Variants in TRIM63 observed in about 807,000 individuals in gnomAD.
TRIM63 encodes the protein tripartite motif containing 63.
In TRIM63, 48 loss-of-function variants were observed where a neutral mutation model predicts 46.0. That is an observed-to-expected ratio of 1.04 (90% CI 0.83 to 1.33). The LOEUF (loss-of-function observed/expected upper bound fraction) is 1.33, where lower values mean the gene tolerates loss of function less well. TRIM63 is among the 40% of genes most tolerant of loss of function. The pLI, the probability that TRIM63 is intolerant of heterozygous loss-of-function variation, is 0.00. For missense variants in TRIM63, 455 were observed against 441.2 expected (o/e 1.03, Z -0.28); for synonymous variants, 175 against 162.8 (o/e 1.08, Z -0.57).
At chr1:26,063,589 C>T (rs1216784508) in intron 2 of TRIM63, among the ~76,000 whole-genome samples, 4 of 152,184 alleles carry the variant, frequency 2.6e-5, no homozygotes, top group East Asian at 1.9e-4. Context: ...CTGGTTCATG[C>T]GCCCGCAGCC....
At chr1:26,065,891 G>A (rs914019973) in intron 2 of TRIM63, among the ~76,000 whole-genome samples, 4 of 152,202 alleles carry the variant, frequency 2.6e-5, no homozygotes, top group African/African-American at 9.7e-5. Context: ...GTTCCTCATG[G>A]CACACGGGAG....
chr1:26,063,488 T>C (rs898297478), intron 2 of TRIM63, among the ~76,000 whole-genome samples: 1 of 152,182 alleles, frequency 6.6e-6, no homozygotes, highest in Non-Finnish European at 1.5e-5. Context: ...CCAGGGTCCC[T>C]ATGCTGGCAG....
At chr1:26,062,334 A>C (rs1456370796) in intron 2 of TRIM63, among the ~76,000 whole-genome samples, 1 of 152,242 alleles carries the variant, frequency 6.6e-6, no homozygotes, top group Non-Finnish European at 1.5e-5. Context: ...GGAATCAATA[A>C]TATTCACCAT....
At chr1:26,067,069 T>C (rs2050685224) in intron 1 of TRIM63, among the ~76,000 whole-genome samples, 1 of 152,028 alleles carries the variant, frequency 6.6e-6, no homozygotes, top group South Asian at 2.1e-4. Flanking sequence ...ATTTGACTCT[T>C]GATTGGAGAG....
At chr1:26,055,997 C>A (rs951091931) in intron 7 of TRIM63, among the ~76,000 whole-genome samples, 1 of 152,164 alleles carries the variant, frequency 6.6e-6, no homozygotes, top group African/African-American at 2.4e-5. Context: ...AGGAGAGCGA[C>A]ACAGGAGGTG....
At chr1:26,051,975 G>GT in intron 8 of TRIM63, 92 bp from the exon 9 acceptor site, 8 of 1,134,062 alleles carry the variant, frequency 7.1e-6, no homozygotes, top group Non-Finnish European at 9.2e-6. Flanking sequence ...TCAAACAGGA[G>GT]TTTGAATAAA....
In TRIM63 at chr1:26,067,627, T is replaced by C; in HGVS notation, c.-133A>G. The C allele has an allele frequency of 1.0e-6, 1 of 1,001,234 alleles. No homozygotes were observed. Among genetic ancestry groups the C allele is most frequent in the Non-Finnish European group, 1.4e-6 (1 of 693,696 alleles). 62.0% of individuals were successfully genotyped at this position (1,001,234 alleles called of 1,614,324 possible). On this transcript the variant is annotated 5_prime_UTR_variant, in exon 1 of 9. Transcript: ENST00000374272. ...TGGCTTCCTTCTCCTGGTGCCCGAATTCTGTCTTGGTCTGAGGCCCCTCTG... is the reference window on the plus strand; with the variant it reads ...TGGCTTCCTTCTCCTGGTGCCCGAACTCTGTCTTGGTCTGAGGCCCCTCTG...
chr1:26,054,275 C>A (rs1463729472), intron 7 of TRIM63, among the ~76,000 whole-genome samples: 1 of 152,252 alleles, frequency 6.6e-6, no homozygotes, highest in African/African-American at 2.4e-5. Flanking sequence ...GAAGCGCACT[C>A]TGTGCTTCTG....
In TRIM63 at chr1:26,057,144, A is replaced by T; in HGVS notation, c.979+59T>A. 3 of 1,600,980 alleles carry T rather than the reference A, an allele frequency of 1.9e-6. No individual in the cohort carries two copies. In the Admixed American group the frequency reaches 5.1e-5, roughly 27 times the overall value. On this transcript the variant is annotated intron_variant, in intron 7 of 8. Transcript: ENST00000374272. ...CTCCCCATCGGGCTCAGTTGGAGGG[A>T]TGCTGGTTTCCAGGGGTCAGGCAGG...
chr1:26,058,712 A>G (rs2050595416), intron 4 of TRIM63, 89 bp from the exon 5 acceptor site: 1 of 1,063,700 alleles, frequency 9.4e-7, no homozygotes, highest in Non-Finnish European at 1.4e-6. Flanking sequence ...CAAGGAATCT[A>G]AAGCTAGAAG....
At chr1:26,051,965 T>G (rs767688896) in intron 8 of TRIM63, 82 bp from the exon 9 acceptor site, 11 of 1,185,272 alleles carry the variant, frequency 9.3e-6, no homozygotes, top group Non-Finnish European at 1.2e-5. Flanking sequence ...TACTGTTTAT[T>G]CAAACAGGAG....
Position 26,060,339 on chromosome 1 carries a change from G to A in TRIM63, c.524C>T (p.Ser175Phe). 1 of 1,613,986 alleles carries A rather than the reference G, an allele frequency of 6.2e-7. No individual in the cohort carries two copies. Reference protein sequence around the residue: ...GQKTELNNCISMLVAGNDRVQ... With the variant: ...GQKTELNNCIFMLVAGNDRVQ... ...ACGGTCATTCCCCGCCACCAGCATGGAGATACAGTTATTCAGTTCAGTCTA... is the reference window on the plus strand; with the variant it reads ...ACGGTCATTCCCCGCCACCAGCATGAAGATACAGTTATTCAGTTCAGTCTA... Residue 175 changes from serine (S) to phenylalanine (F), a missense_variant, in exon 4 of 9, where the codon TCC becomes TTC. Coordinates refer to ENST00000374272, the MANE Select transcript of TRIM63 (RefSeq NM_032588.4).
intron 8 of TRIM63, 122 bp from the exon 9 acceptor site, chr1:26,052,005 C>T (rs1176540296): frequency 2.5e-6 from 2 of 814,400 alleles, no homozygotes; most frequent in African/African-American, 3.6e-5. Flanking sequence ...TCCAATTCCT[C>T]CCGGTCTCTT....
intron 3 of TRIM63, among the ~76,000 whole-genome samples, chr1:26,060,733 G>A (rs2050616090): frequency 1.3e-5 from 2 of 152,192 alleles, no homozygotes; most frequent in African/African-American, 4.8e-5. Context: ...ATGGAAAGGG[G>A]GTGGCTACGG....
intron 1 of TRIM63, 52 bp downstream of exon 1, chr1:26,067,284 G>GA (rs2050686928): frequency 1.2e-6 from 2 of 1,601,394 alleles, no homozygotes; most frequent in African/African-American, 2.7e-5. Context: ...TCATCACAGG[G>GA]AAGCCAAGTA....
chr1:26,053,328 C>G lies in TRIM63; in HGVS notation c.1051+565G>C, dbSNP rs191384354. ...AGTGCAGTGGCACGATCTCGGCTCA[C>G]TGCAACCTCCACCTCCCAGGTTCAA... On this transcript the variant is annotated intron_variant, in intron 8 of 8. Coordinates refer to ENST00000374272, the MANE Select transcript of TRIM63 (RefSeq NM_032588.4). Among the ~76,000 whole-genome samples, 209 of 152,288 alleles carry G rather than the reference C, an allele frequency of 1.4e-3. 1 individual carries two copies. The highest frequency in any genetic ancestry group is 4.8e-3 in the African/African-American group (199 of 41,560).
chr1:26,066,477 C>T, intron 1 of TRIM63, 37 bp from the exon 2 acceptor site: 1 of 1,496,490 alleles, frequency 6.7e-7, no homozygotes, highest in Non-Finnish European at 8.9e-7. Context: ...GCCTGGGCTC[C>T]CTACTTAGCC....
At chr1:26,055,620 G>C (rs1460237907) in intron 7 of TRIM63, among the ~76,000 whole-genome samples, 7 of 150,650 alleles carry the variant, frequency 4.6e-5, no homozygotes, top group African/African-American at 1.7e-4. Context: ...AAGCAATTCT[G>C]CTGCTTCAGC....
At chr1:26,061,060 C>A in intron 3 of TRIM63, 106 bp downstream of exon 3, 1 of 1,300,792 alleles carries the variant, frequency 7.7e-7, no homozygotes, top group Non-Finnish European at 1.1e-6. Context: ...GAGACTATTC[C>A]TGAAAGGCCA....
Sources: gnomAD v4.1 joint callset for allele counts (sites outside exome capture counted in the v4.1 genomes callset) on GRCh38, gnomAD v4.1.1 for gene constraint, MANE v1.5 for transcripts, NCBI Gene and HGNC (gene_info 2026-07-23, HGNC 2026-07-21) for gene names.